ST3GAL3: variants seen among roughly 807,000 people sequenced by gnomAD.
ST3GAL3 encodes CMP-N-acetylneuraminate-beta-1,4-galactoside alpha-2,3-sialyltransferase.
A neutral mutation model predicts 50.1 loss-of-function variants in ST3GAL3; 21 were observed. The ratio of observed to expected loss-of-function variants is 0.42; its 90% CI spans 0.30 to 0.60. ST3GAL3 has a LOEUF of 0.60. Among genes scored for constraint, ST3GAL3 ranks in the 20% least tolerant of loss-of-function variants. The pLI, the probability that ST3GAL3 is intolerant of heterozygous loss-of-function variation, is 0.19. For missense variants in ST3GAL3, 353 were observed against 489.4 expected (o/e 0.72, Z 2.63); for synonymous variants, 183 against 190.0 (o/e 0.96, Z 0.30).
At chr1:43,861,325 C>A (rs138858101) in intron 5 of ST3GAL3, among the ~76,000 whole-genome samples, 4 of 152,230 alleles carry the variant, frequency 2.6e-5, no homozygotes, top group African/African-American at 9.6e-5. Context: ...TGTCCTGGTG[C>A]CTGGCATGCA....
At chr1:43,720,047 A>G (rs934390328) in intron 1 of ST3GAL3, among the ~76,000 whole-genome samples, 3 of 151,676 alleles carry the variant, frequency 2.0e-5, no homozygotes, top group African/African-American at 7.3e-5. Flanking sequence ...GTTAGAGACC[A>G]TCCTGTGCAA....
intron 2 of ST3GAL3, among the ~76,000 whole-genome samples, chr1:43,789,405 G>A (rs1558306431): frequency 6.6e-6 from 1 of 152,182 alleles, no homozygotes; most frequent in African/African-American, 2.4e-5. Context: ...AAATTGGATT[G>A]TGATGATGGT....
At chr1:43,817,523 TCTTC>T (rs1222409005) in intron 4 of ST3GAL3, among the ~76,000 whole-genome samples, 2 of 149,228 alleles carry the variant, frequency 1.3e-5, no homozygotes, top group African/African-American at 4.9e-5. Context: ...TCTTCATTCT[TCTTC>T]CTTCTTCTCC....
At chr1:43,775,758 G>T (rs1696983155) in intron 2 of ST3GAL3, among the ~76,000 whole-genome samples, 1 of 151,444 alleles carries the variant, frequency 6.6e-6, no homozygotes, top group South Asian at 2.1e-4. Flanking sequence ...CCAAATAAAA[G>T]ATTCAGAATA....
intron 2 of ST3GAL3, among the ~76,000 whole-genome samples, chr1:43,767,485 C>T (rs1693527150): frequency 1.3e-5 from 2 of 152,024 alleles, no homozygotes; most frequent in Admixed American, 6.6e-5. Flanking sequence ...AAGCAAGTCT[C>T]AACAAGTGTC....
chr1:43,902,549 G>T (rs975714605), intron 9 of ST3GAL3, among the ~76,000 whole-genome samples: 2 of 152,198 alleles, frequency 1.3e-5, no homozygotes, highest in Admixed American at 1.3e-4. Flanking sequence ...ACTGGACAGT[G>T]GCACTGATAT....
At position 43,737,483 on chromosome 1, in the gene ST3GAL3, T is replaced by A. The variant is rs147437190; in HGVS notation, c.118+1103T>A. The A allele has an allele frequency of 7.0e-4, 106 of 152,358 alleles. No individual in the cohort carries two copies. Among genetic ancestry groups the A allele is most frequent in the African/African-American group, 2.4e-3 (100 of 41,578 alleles). The allele number at this position is 152,358 out of a possible 1,614,324, so 9.4% of individuals were successfully genotyped here. A position where few individuals can be genotyped will look rare whatever the true frequency, so the allele number is the denominator to read the frequency against. ...CAAGCCAGTTTTTAAAATATAGTGT[T>A]ATATCCTTAATTTACTGTTTTATAT... On this transcript the variant is annotated intron_variant, in intron 2 of 11. Transcript: ENST00000347631. The surrounding 1 kb of genome is among the most constrained non-coding windows in gnomAD (Gnocchi z 4.0).
intron 1 of ST3GAL3, among the ~76,000 whole-genome samples, chr1:43,726,235 T>C (rs1672859852): frequency 6.6e-6 from 1 of 151,988 alleles, no homozygotes; most frequent in South Asian, 2.1e-4. Context: ...TCTGTTCCCC[T>C]CTGTTAATAA....
chr1:43,777,468 A>G (rs1310761912), intron 2 of ST3GAL3, among the ~76,000 whole-genome samples: 1 of 152,208 alleles, frequency 6.6e-6, no homozygotes, highest in Admixed American at 6.5e-5. Context: ...CTCAGAAATA[A>G]GACCACACAC....
intron 1 of ST3GAL3, among the ~76,000 whole-genome samples, chr1:43,712,314 C>T (rs1471340348): frequency 1.3e-5 from 2 of 152,152 alleles, no homozygotes; most frequent in Non-Finnish European, 2.9e-5. Context: ...CCCTGGATTT[C>T]CCCACCTTTT....
chr1:43,767,205 A>C (rs1305089471), intron 2 of ST3GAL3, among the ~76,000 whole-genome samples: 5 of 152,096 alleles, frequency 3.3e-5, no homozygotes, highest in Non-Finnish European at 5.9e-5. Context: ...CTTGTGGTGG[A>C]GGTAACATCT....
rs193176012 is a variant in ST3GAL3 at position 43,851,155 on chromosome 1, C to T, written c.302+12844C>T. ...AGCTGGTTCCTGCACTGATCAGCTT[C>T]GGGTGGAAGAGGCGGGTGTTCTCCT... On this transcript the variant is annotated intron_variant, in intron 5 of 11. Transcript: ENST00000347631. The T allele has an allele frequency of 1.6e-4, 219 of 1,330,624 alleles. 1 individual carries two copies. The highest frequency in any genetic ancestry group is 2.0e-4 in the Non-Finnish European group (183 of 923,176). 82.4% of individuals were successfully genotyped at this position (1,330,624 alleles called of 1,614,324 possible). A position where few individuals can be genotyped will look rare whatever the true frequency, so the allele number is the denominator to read the frequency against.
chr1:43,732,317 A>G (rs745988285), intron 1 of ST3GAL3, among the ~76,000 whole-genome samples: 6 of 152,210 alleles, frequency 3.9e-5, no homozygotes, highest in South Asian at 2.1e-4. Context: ...CTGAGGGCCA[A>G]TGTTGGGAGG....
chr1:43,872,473 C>T (rs759306880), intron 5 of ST3GAL3, among the ~76,000 whole-genome samples: 5 of 151,570 alleles, frequency 3.3e-5, no homozygotes, highest in Admixed American at 6.6e-5. Context: ...GAGGGCATGG[C>T]AGATACCAAA....
chr1:43,836,675 G>T (rs1234466263), intron 4 of ST3GAL3, among the ~76,000 whole-genome samples: 1 of 152,238 alleles, frequency 6.6e-6, no homozygotes, highest in Admixed American at 6.5e-5. Flanking sequence ...TGGAGGAGGT[G>T]GGGACTCAGA....
At chr1:43,821,845 G>A (rs1458696115) in intron 4 of ST3GAL3, among the ~76,000 whole-genome samples, 1 of 152,164 alleles carries the variant, frequency 6.6e-6, no homozygotes. Context: ...CTCTTGCCCC[G>A]ACAACAAAGT....
intron 1 of ST3GAL3, among the ~76,000 whole-genome samples, chr1:43,708,427 G>A (rs552526998): frequency 3.3e-5 from 5 of 152,190 alleles, no homozygotes; most frequent in Non-Finnish European, 5.9e-5. Flanking sequence ...ACCTCAGAAA[G>A]TAAAATACTC....
At chr1:43,747,145 C>T (rs939402389) in intron 2 of ST3GAL3, among the ~76,000 whole-genome samples, 1 of 152,144 alleles carries the variant, frequency 6.6e-6, no homozygotes, top group Non-Finnish European at 1.5e-5. Context: ...CACAGTGGCT[C>T]ACGCCTATAA....
At chr1:43,849,413 CT>C in intron 5 of ST3GAL3, among the ~76,000 whole-genome samples, 1 of 151,744 alleles carries the variant, frequency 6.6e-6, no homozygotes, top group Non-Finnish European at 1.5e-5. Context: ...TAAATCTTAC[CT>C]TTTTTAACTT....
Sources: gnomAD v4.1 joint callset for allele counts (sites outside exome capture counted in the v4.1 genomes callset) on GRCh38, gnomAD v4.1.1 for gene constraint, Gnocchi (gnomAD v3.1) non-coding constraint, MANE v1.5 for transcripts, NCBI Gene and HGNC (gene_info 2026-07-23, HGNC 2026-07-21) for gene names.